The following BRIP1 variants were observed in gnomAD, a reference collection of about 807,000 sequenced individuals.
BRIP1 encodes Fanconi anemia group J protein.
In BRIP1, 88 loss-of-function variants were observed where a neutral mutation model predicts 119.7. That is an observed-to-expected ratio of 0.74 (90% CI 0.62 to 0.88). The LOEUF (loss-of-function observed/expected upper bound fraction) is 0.88. Ranked by LOEUF, BRIP1 falls within the 40% of genes least tolerant of loss-of-function variation. The pLI is 0.00. For synonymous variants in BRIP1, 443 were observed against 496.5 expected, an observed-to-expected ratio of 0.89 and a Z score of 1.43; for missense variants, 1,259 against 1,455.4, an observed-to-expected ratio of 0.87 and a Z score of 2.20.
At position 61,744,440 on chromosome 17, in the gene BRIP1, C is replaced by T. The variant is rs764061653; in HGVS notation, c.2249G>A (p.Gly750Glu). Residue 750 changes from glycine to glutamate, a missense_variant, in exon 15 of 20, where the codon GGA (glycine) becomes GAA (glutamate). Gly to Glu is a moderately conservative substitution (Grantham distance 98). Coordinates refer to ENST00000259008, the MANE Select transcript of BRIP1 (RefSeq NM_032043.3). This position sits in a 1 kb window ranked among gnomAD's most constrained non-coding sequence, Gnocchi z 5.0. ...QVYYDAIKYK[G>E]EKDGALLVAV... ...AAATAATTTCCAGTTACCTTTCTCTCCTTTGTATTTGATTGCGTCATAGTA... is the reference window on the plus strand; with the variant it reads ...AAATAATTTCCAGTTACCTTTCTCTTCTTTGTATTTGATTGCGTCATAGTA... 1 of 1,613,798 alleles carries T rather than the reference C, an allele frequency of 6.2e-7. No homozygotes were observed. The highest frequency in any genetic ancestry group is 8.5e-7 in the Non-Finnish European group (1 of 1,179,844).
At chr17:61,723,474 A>C (rs2062016028) in intron 16 of BRIP1, among the ~76,000 whole-genome samples, 1 of 152,208 alleles carries the variant, frequency 6.6e-6, no homozygotes, top group Admixed American at 6.5e-5. Context: ...GGTCATGCCC[A>C]CATTCACATT....
At chr17:61,818,014 T>C (rs1230410944) in intron 6 of BRIP1, among the ~76,000 whole-genome samples, 1 of 152,082 alleles carries the variant, frequency 6.6e-6, no homozygotes, top group Non-Finnish European at 1.5e-5. Context: ...TAATCTAAAT[T>C]TAATCTTGAA....
rs1455380866 is a variant in BRIP1 at position 61,786,898 on chromosome 17, A to C, written c.1474-2474T>G. On this transcript the variant is annotated intron_variant, in intron 10 of 19. Transcript: ENST00000259008. Reference sequence around the variant, plus strand: ...ATATATTAATATATAAATATATTTTATATATAATGTAAATATAAAAATATA... The same window carrying C: ...ATATATTAATATATAAATATATTTTCTATATAATGTAAATATAAAAATATA... Among the ~76,000 whole-genome samples the C allele has an allele frequency of 2.8e-5, 3 of 107,412 alleles. No individual in the cohort carries two copies. The South Asian group carries it at 8.1e-4, about 29-fold the overall frequency. 70.5% of individuals were successfully genotyped at this position (107,412 alleles called of 152,430 possible).
At chr17:61,733,655 G>C (rs1385965539) in intron 16 of BRIP1, among the ~76,000 whole-genome samples, 1 of 151,964 alleles carries the variant, frequency 6.6e-6, no homozygotes, top group Non-Finnish European at 1.5e-5. Flanking sequence ...CAAATAGTTT[G>C]GTACATTGAG....
intron 6 of BRIP1, among the ~76,000 whole-genome samples, chr17:61,812,771 T>C (rs2078182146): frequency 6.6e-6 from 1 of 152,114 alleles, no homozygotes; most frequent in Non-Finnish European, 1.5e-5. Context: ...ATAAATTATA[T>C]TCCCTCTCTT....
Position 61,788,396 on chromosome 17 carries a change from C to T in BRIP1, c.1474-3972G>A, listed in dbSNP as rs905544286. On this transcript the variant is annotated intron_variant, in intron 10 of 19. Coordinates refer to ENST00000259008, the MANE Select transcript of BRIP1 (RefSeq NM_032043.3). ...ACTTCATAATGTAAATGCATGAATT[C>T]TTTCCAAATTAATCTATAAATACAG... Among the ~76,000 whole-genome samples the T allele has an allele frequency of 2.6e-5, 4 of 152,048 alleles. No individual in the cohort carries two copies. In the South Asian group the frequency reaches 8.3e-4, roughly 31 times the overall value.
rs2076917958 is a variant in BRIP1 at position 61,736,308 on chromosome 17, A to G, written c.2379+6705T>C. 6.6e-6 allele frequency among the ~76,000 whole-genome samples: 1 copy of G among 152,316 alleles called. No individual in the cohort carries two copies. The highest frequency in any genetic ancestry group is 1.5e-5 in the Non-Finnish European group (1 of 68,018). ...GTGCCACTGCACTCCAACCTGGGCG[A>G]CAGAACAAGACCTTGTCTATAAAAT... is the stretch of plus-strand genomic sequence containing the variant. On this transcript the variant is annotated intron_variant, in intron 16 of 19. Transcript: ENST00000259008. The surrounding 1 kb of genome is among the most constrained non-coding windows in gnomAD (Gnocchi z 4.4).
In BRIP1 at chr17:61,841,965, G is replaced by A. The variant is rs1603359080; in HGVS notation, c.627+5136C>T. On this transcript the variant is annotated intron_variant, in intron 6 of 19. Transcript: ENST00000259008. This position sits in a 1 kb window ranked among gnomAD's most constrained non-coding sequence, Gnocchi z 4.1. ...CAAAGTGTTGGGATTACTGGTGTGAGCCACCACACCCAGCCAACACCATGT... is the reference window on the plus strand; with the variant it reads ...CAAAGTGTTGGGATTACTGGTGTGAACCACCACACCCAGCCAACACCATGT... Among the ~76,000 whole-genome samples the A allele has an allele frequency of 6.6e-6, 1 of 152,128 alleles. No homozygotes were observed. The highest frequency in any genetic ancestry group is 2.1e-4 in the South Asian group (1 of 4,836).
rs914225352 is a variant in BRIP1 at position 61,768,586 on chromosome 17, A to C, written c.2097+7815T>G. 6.6e-6 allele frequency among the ~76,000 whole-genome samples: 1 copy of C among 152,204 alleles called. No homozygotes were observed. Among genetic ancestry groups the C allele is most frequent in the Admixed American group, 6.5e-5 (1 of 15,274 alleles). ...TCATTTCACTTCTATTAATATTTTC[A>C]TATGCCATAGTCACAAATCTTTATT... On this transcript the variant is annotated intron_variant, in intron 14 of 19. Coordinates refer to ENST00000259008, the MANE Select transcript of BRIP1 (RefSeq NM_032043.3). This position sits in a 1 kb window ranked among gnomAD's most constrained non-coding sequence, Gnocchi z 5.0.
chr17:61,763,473 C>T (rs1231963829), intron 14 of BRIP1, among the ~76,000 whole-genome samples: 4 of 151,990 alleles, frequency 2.6e-5, no homozygotes, highest in African/African-American at 9.7e-5. Flanking sequence ...TGACTTTTTT[C>T]CTTTATGATC....
rs1456882020 is a variant in BRIP1, at chr17:61,822,786, G to A, written c.628-14029C>T. ...TTGTGTTTAAAAAAAAAAAGGCCCTGTATGACTAATATGGGGACCAACAAG... is the reference window on the plus strand; with the variant it reads ...TTGTGTTTAAAAAAAAAAAGGCCCTATATGACTAATATGGGGACCAACAAG... On this transcript the variant is annotated intron_variant, in intron 6 of 19. Transcript: ENST00000259008. The surrounding 1 kb of genome is among the most constrained non-coding windows in gnomAD (Gnocchi z 4.4). Among the ~76,000 whole-genome samples, 2 of 152,026 alleles carry A rather than the reference G, an allele frequency of 1.3e-5. No individual in the cohort carries two copies. Among genetic ancestry groups the A allele is most frequent in the African/African-American group, 4.8e-5 (2 of 41,400 alleles).
Position 61,794,711 on chromosome 17 carries a change from GAAA to G in BRIP1, c.1341-985_1341-983del, listed in dbSNP as rs879931105. Among the ~76,000 whole-genome samples, 3 of 147,196 alleles carry G rather than the reference GAAA, an allele frequency of 2.0e-5. No homozygotes were observed. Among genetic ancestry groups the G allele is most frequent in the African/African-American group, 7.5e-5 (3 of 39,936 alleles). ...TTAAAAAAAAAAGTTCTAATAAAATGAAAAAAAAATCAGGTAATTATATACAAA... is the reference window on the plus strand; with the variant it reads ...TTAAAAAAAAAAGTTCTAATAAAATGAAAAAATCAGGTAATTATATACAAA... On this transcript the variant is annotated intron_variant, in intron 9 of 19. Coordinates refer to ENST00000259008, the MANE Select transcript of BRIP1 (RefSeq NM_032043.3). This position sits in a 1 kb window ranked among gnomAD's most constrained non-coding sequence, Gnocchi z 4.3.
chr17:61,799,326 A>C lies in BRIP1; in HGVS notation c.1141-27T>G, dbSNP rs748731283. Reference sequence around the variant, plus strand: ...TATAAGATAAAAGAATTTTCTTGTAAAACATTTGGCAAAATAGATTTAACA... The same window carrying C: ...TATAAGATAAAAGAATTTTCTTGTACAACATTTGGCAAAATAGATTTAACA... On this transcript the variant is annotated intron_variant, in intron 8 of 19. Coordinates refer to ENST00000259008, the MANE Select transcript of BRIP1 (RefSeq NM_032043.3). The surrounding 1 kb of genome is among the most constrained non-coding windows in gnomAD (Gnocchi z 5.1). 23 of 1,568,848 alleles carry C rather than the reference A, an allele frequency of 1.5e-5. No individual in the cohort carries two copies. The highest frequency in any genetic ancestry group is 2.0e-5 in the Non-Finnish European group (23 of 1,141,574).
chr17:61,688,646 G>A (rs1049162952), intron 18 of BRIP1, among the ~76,000 whole-genome samples: 1 of 151,886 alleles, frequency 6.6e-6, no homozygotes, highest in African/African-American at 2.4e-5. Context: ...GTGAGAGGTG[G>A]CTGTTTTTTC....
Position 61,724,516 on chromosome 17 carries a change from A to G in BRIP1, c.2380-8453T>C, listed in dbSNP as rs2076740651. On this transcript the variant is annotated intron_variant, in intron 16 of 19. Coordinates refer to ENST00000259008, the MANE Select transcript of BRIP1 (RefSeq NM_032043.3). This position sits in a 1 kb window ranked among gnomAD's most constrained non-coding sequence, Gnocchi z 5.1. The stretch of plus-strand genomic sequence containing the variant: ...AAAAGTAGCCTTTTTAAAGTTTATC[A>G]GTAGCTTCTGAAAAAATAAATGGTG... Among the ~76,000 whole-genome samples, 1 of 152,154 alleles carries G rather than the reference A, an allele frequency of 6.6e-6. No homozygotes were observed. The highest frequency in any genetic ancestry group is 2.4e-5 in the African/African-American group (1 of 41,460).
rs1555584563 is a variant in BRIP1, at chr17:61,727,770, G to GTCTGTC, written c.2380-11708_2380-11707insGACAGA. Among the ~76,000 whole-genome samples the GTCTGTC allele has an allele frequency of 5.3e-3, 744 of 140,410 alleles. 8 individuals carry two copies. The highest frequency in any genetic ancestry group is 0.019 in the African/African-American group (699 of 37,594). The allele number at this position is 140,410 out of a possible 152,430, so 92.1% of individuals were successfully genotyped here. On this transcript the variant is annotated intron_variant, in intron 16 of 19. Coordinates refer to ENST00000259008, the MANE Select transcript of BRIP1 (RefSeq NM_032043.3). ...AGAGACTCTGTCTGTCTGTCTGTCT[G>GTCTGTC]TCTCTCTCTCTCTCTCTCTCTATAT...
intron 18 of BRIP1, among the ~76,000 whole-genome samples, chr17:61,688,765 A>G (rs1567733986): frequency 6.6e-6 from 1 of 151,880 alleles, no homozygotes; most frequent in Non-Finnish European, 1.5e-5. Flanking sequence ...AAAAAAAAAA[A>G]AAAGCTATAT....
In BRIP1 at chr17:61,862,043, C is replaced by G. The variant is rs1015597362; in HGVS notation, c.-30-474G>C. 1 of 169,188 alleles carries G rather than the reference C, an allele frequency of 5.9e-6. No individual in the cohort carries two copies. 10.5% of individuals were successfully genotyped at this position (169,188 alleles called of 1,614,324 possible). A position where few individuals can be genotyped will look rare whatever the true frequency, so the allele number is the denominator to read the frequency against. On this transcript the variant is annotated intron_variant, in intron 1 of 19. Coordinates refer to ENST00000259008, the MANE Select transcript of BRIP1 (RefSeq NM_032043.3). This position sits in a 1 kb window ranked among gnomAD's most constrained non-coding sequence, Gnocchi z 5.3. ...TCCAGTTCTTCCCCTTTGTGTTACC[C>G]CTTTCTGCAGTCCTCCAGTTAGAAG...
At position 61,699,786 on chromosome 17, in the gene BRIP1, G is replaced by A. The variant is rs1273810368; in HGVS notation, c.2493-6274C>T. On this transcript the variant is annotated intron_variant, in intron 17 of 19. Coordinates refer to ENST00000259008, the MANE Select transcript of BRIP1 (RefSeq NM_032043.3). This position sits in a 1 kb window ranked among gnomAD's most constrained non-coding sequence, Gnocchi z 4.8. Reference sequence around the variant, plus strand: ...CTGTTTGAGTAAACAATATATTAATGCTGAATACTCATTCTCCTTTTGAGA... The same window carrying A: ...CTGTTTGAGTAAACAATATATTAATACTGAATACTCATTCTCCTTTTGAGA... Among the ~76,000 whole-genome samples, 3 of 152,182 alleles carry A rather than the reference G, an allele frequency of 2.0e-5. No homozygotes were observed. The highest frequency in any genetic ancestry group is 4.4e-5 in the Non-Finnish European group (3 of 68,034).
Sources: gnomAD v4.1 joint callset for allele counts (sites outside exome capture counted in the v4.1 genomes callset) on GRCh38, gnomAD v4.1.1 for gene constraint, Gnocchi (gnomAD v3.1) non-coding constraint, MANE v1.5 for transcripts, NCBI Gene and HGNC (gene_info 2026-07-23, HGNC 2026-07-21) for gene names.